Variants in ERBB4 observed in about 807,000 individuals in gnomAD.
The protein encoded by ERBB4 is erb-b2 receptor tyrosine kinase 4.
Under a neutral mutation model 158.0 loss-of-function variants are expected in ERBB4, and 42 were observed. The ratio of observed to expected loss-of-function variants is 0.27; its 90% CI spans 0.21 to 0.34. The LOEUF (loss-of-function observed/expected upper bound fraction) is 0.34, where lower values mean the gene tolerates loss of function less well. ERBB4 is among the 10% of genes least tolerant of loss of function. The probability of loss-of-function intolerance (pLI) is 1.00; values close to 1 mark genes in which losing one functional copy is unlikely to be tolerated. For missense variants in ERBB4, 1,333 were observed against 1,624.1 expected (o/e 0.82, Z 3.08); for synonymous variants, 583 against 558.7 (o/e 1.04, Z -0.61).
At chr2:211,742,951 T>A (rs1376396097) in intron 5 of ERBB4, among the ~76,000 whole-genome samples, 2 of 152,018 alleles carry the variant, frequency 1.3e-5, no homozygotes, top group African/African-American at 4.8e-5. Flanking sequence ...CATAAGTAAG[T>A]AAGAAGCAAG....
chr2:212,017,096 A>G (rs916323914), intron 2 of ERBB4, among the ~76,000 whole-genome samples: 2 of 152,306 alleles, frequency 1.3e-5, no homozygotes, highest in Middle Eastern at 3.4e-3. Flanking sequence ...AAGTATAACA[A>G]CAGTCTTTCA....
chr2:211,861,080 A>ATATATT (rs2078016374), intron 3 of ERBB4, among the ~76,000 whole-genome samples: 17 of 52,942 alleles, frequency 3.2e-4, no homozygotes, highest in South Asian at 6.2e-4. Flanking sequence ...ATATTTATAT[A>ATATATT]TTATAAAATA....
intron 3 of ERBB4, among the ~76,000 whole-genome samples, chr2:211,826,320 C>A (rs2077098169): frequency 6.6e-6 from 1 of 151,614 alleles, no homozygotes; most frequent in Admixed American, 6.6e-5. Context: ...CGGATATAAT[C>A]ATAATCAAAT....
Position 212,538,660 on chromosome 2 carries a change from G to T in ERBB4, c.-130C>A. 2.2e-6 allele frequency: 2 copies of T among 904,528 alleles called. No individual in the cohort carries two copies. Among genetic ancestry groups the T allele is most frequent in the Middle Eastern group, 2.3e-4 (1 of 4,342 alleles). 56.0% of individuals were successfully genotyped at this position (904,528 alleles called of 1,614,324 possible). A position where few individuals can be genotyped will look rare whatever the true frequency, so the allele number is the denominator to read the frequency against. Reference sequence around the variant, plus strand: ...CGAGGGGGGCGGGCGCGGCGCGCGCGGTGTGGCGACTCCCAGGGCGGGCGA... The same window carrying T: ...CGAGGGGGGCGGGCGCGGCGCGCGCTGTGTGGCGACTCCCAGGGCGGGCGA... On this transcript the variant is annotated 5_prime_UTR_variant, in exon 1 of 28. Coordinates refer to ENST00000342788, the MANE Select transcript of ERBB4 (RefSeq NM_005235.3).
chr2:212,093,441 G>A (rs575498625), intron 2 of ERBB4, among the ~76,000 whole-genome samples: 4 of 152,122 alleles, frequency 2.6e-5, no homozygotes, highest in East Asian at 1.9e-4. Context: ...GATGAACCTC[G>A]AACCTAACTA....
At chr2:212,352,325 T>TAA (rs5838322) in intron 1 of ERBB4, among the ~76,000 whole-genome samples, 6,128 of 145,056 alleles carry the variant, frequency 0.042, 238 homozygotes, top group African/African-American at 0.11. Flanking sequence ...AAATAAAAGT[T>TAA]AAAAAAAAAA....
intron 2 of ERBB4, among the ~76,000 whole-genome samples, chr2:212,077,374 G>C (rs570818631): frequency 6.6e-6 from 1 of 152,044 alleles, no homozygotes; most frequent in South Asian, 2.1e-4. Flanking sequence ...AAACAGTTCA[G>C]ATGCTCATCA....
chr2:211,845,787 A>G (rs1261399317), intron 3 of ERBB4, among the ~76,000 whole-genome samples: 1 of 152,144 alleles, frequency 6.6e-6, no homozygotes, highest in Non-Finnish European at 1.5e-5. Context: ...AACTTGTTCA[A>G]TCTTATCTAC....
chr2:211,394,282 T>A (rs1212153698), intron 25 of ERBB4, among the ~76,000 whole-genome samples: 1 of 152,168 alleles, frequency 6.6e-6, no homozygotes, highest in Admixed American at 6.5e-5. Context: ...TCATTCAAGA[T>A]AAGCAACAAG....
At chr2:212,431,425 A>T (rs1449556039) in intron 1 of ERBB4, among the ~76,000 whole-genome samples, 1 of 151,874 alleles carries the variant, frequency 6.6e-6, no homozygotes, top group African/African-American at 2.4e-5. Flanking sequence ...AAACGTATAC[A>T]GAATCTCATT....
Position 212,243,093 on chromosome 2 carries a change from C to A in ERBB4, c.83-118190G>T, listed in dbSNP as rs189872696. Among the ~76,000 whole-genome samples the A allele has an allele frequency of 3.9e-5, 6 of 152,228 alleles. 2 individuals are homozygous for A. The highest frequency in any genetic ancestry group is 3.9e-4 in the Admixed American group (6 of 15,268). ...CTCAAGTTGACATCAATCTGTTATG[C>A]CATTTTCTTGTAATACTAATGTGGC... On this transcript the variant is annotated intron_variant, in intron 1 of 27. Coordinates refer to ENST00000342788, the MANE Select transcript of ERBB4 (RefSeq NM_005235.3).
chr2:212,140,752 A>G (rs1005429817), intron 1 of ERBB4, among the ~76,000 whole-genome samples: 1 of 151,482 alleles, frequency 6.6e-6, no homozygotes, highest in African/African-American at 2.4e-5. Context: ...TATTCCTTAA[A>G]AAGTTGAGTG....
At chr2:211,611,460 G>A (rs373273798) in intron 19 of ERBB4, among the ~76,000 whole-genome samples, 2 of 38,650 alleles carry the variant, frequency 5.2e-5, no homozygotes, top group Non-Finnish European at 1.2e-4. Flanking sequence ...GAGTCTTGCT[G>A]CCACACACTC....
chr2:211,398,672 A>T (rs1425780258), intron 25 of ERBB4, among the ~76,000 whole-genome samples: 2 of 152,124 alleles, frequency 1.3e-5, no homozygotes, highest in Non-Finnish European at 2.9e-5. Context: ...CTCTACTAAA[A>T]ATACAAAAAT....
At chr2:211,700,386 A>G (rs1391377060) in intron 12 of ERBB4, among the ~76,000 whole-genome samples, 1 of 152,230 alleles carries the variant, frequency 6.6e-6, no homozygotes, top group Non-Finnish European at 1.5e-5. Context: ...TTGATACACA[A>G]TTAGATTTTA....
Position 211,656,281 on chromosome 2 carries a change from G to A in ERBB4, c.1946+1473C>T, listed in dbSNP as rs188111174. ...ACTGAGCTTTACAATTATGTTTTGT[G>A]TACTTTCACACTATATACGCTTCAA... is the stretch of plus-strand genomic sequence containing the variant. On this transcript the variant is annotated intron_variant, in intron 16 of 27. Transcript: ENST00000342788. Among the ~76,000 whole-genome samples, 483 of 152,142 alleles carry A rather than the reference G, an allele frequency of 3.2e-3. 3 individuals are homozygous for A. The highest frequency in any genetic ancestry group is 0.011 in the African/African-American group (439 of 41,496).
At chr2:212,321,335 T>A (rs968390080) in intron 1 of ERBB4, among the ~76,000 whole-genome samples, 3 of 150,456 alleles carry the variant, frequency 2.0e-5, no homozygotes, top group African/African-American at 7.3e-5. Flanking sequence ...CAAATACATG[T>A]TTTTGTAGAA....
chr2:212,368,934 G>T (rs1422406240), intron 1 of ERBB4, among the ~76,000 whole-genome samples: 1 of 152,066 alleles, frequency 6.6e-6, no homozygotes, highest in Non-Finnish European at 1.5e-5. Flanking sequence ...ACATCCCCTG[G>T]AACTCACAAG....
rs376160037 is a variant in ERBB4 at position 211,569,539 on chromosome 2, T to A, written c.2302-7451A>T. ...ATGAGATTAAGAGGTATCACAAAAA[T>A]AAACAGAGTGTTGTGATAGATAATG... On this transcript the variant is annotated intron_variant, in intron 19 of 27. Coordinates refer to ENST00000342788, the MANE Select transcript of ERBB4 (RefSeq NM_005235.3). Among the ~76,000 whole-genome samples, 461 of 152,230 alleles carry A rather than the reference T, an allele frequency of 3.0e-3. 4 individuals carry two copies. The highest frequency in any genetic ancestry group is 0.011 in the African/African-American group (446 of 41,542).
Sources: gnomAD v4.1 joint callset for allele counts (sites outside exome capture counted in the v4.1 genomes callset) on GRCh38, gnomAD v4.1.1 for gene constraint, MANE v1.5 for transcripts, NCBI Gene and HGNC (gene_info 2026-07-23, HGNC 2026-07-21) for gene names.